VPS13A: variants seen among roughly 807,000 people sequenced by gnomAD.
The protein encoded by VPS13A is intermembrane lipid transfer protein VPS13A.
In VPS13A, 264 loss-of-function variants were observed where a neutral mutation model predicts 390.9. The observed-to-expected ratio is 0.68, with a 90% confidence interval of 0.61 to 0.75. The LOEUF (loss-of-function observed/expected upper bound fraction) is 0.75. Ranked by LOEUF, VPS13A falls within the 30% of genes least tolerant of loss-of-function variation. The probability of loss-of-function intolerance (pLI) is 0.00; values close to 1 mark genes in which losing one functional copy is unlikely to be tolerated. For missense variants in VPS13A, 3,409 were observed against 3,733.9 expected (o/e 0.91, Z 2.27); for synonymous variants, 1,231 against 1,227.1 (o/e 1.00, Z -0.07).
At chr9:77,344,936 G>A (rs538662868) in intron 51 of VPS13A, 73 bp from the exon 52 acceptor site, 1 of 1,518,392 alleles carries the variant, frequency 6.6e-7, no homozygotes, top group African/African-American at 1.4e-5. Flanking sequence ...TGAATAGTCT[G>A]TTCTTAAATG....
At chr9:77,282,372 CT>C in intron 29 of VPS13A, 98 bp downstream of exon 29, 1 of 1,143,890 alleles carries the variant, frequency 8.7e-7, no homozygotes, top group East Asian at 2.6e-5. Flanking sequence ...CAAATATTGG[CT>C]TCAGAATTCT....
intron 71 of VPS13A, among the ~76,000 whole-genome samples, chr9:77,409,958 C>A (rs1303318855): frequency 5.9e-5 from 9 of 151,562 alleles, no homozygotes; most frequent in Non-Finnish European, 1.2e-4. Flanking sequence ...CACAAAGATA[C>A]TCCTCAAGAA....
At chr9:77,394,174 C>G (rs965718905) in intron 68 of VPS13A, among the ~76,000 whole-genome samples, 3 of 151,992 alleles carry the variant, frequency 2.0e-5, no homozygotes, top group Non-Finnish European at 2.9e-5. Flanking sequence ...AGTTGATTCT[C>G]CCACCTCAGC....
At chr9:77,414,609 G>A (rs542149716) in intron 71 of VPS13A, among the ~76,000 whole-genome samples, 38 of 152,114 alleles carry the variant, frequency 2.5e-4, no homozygotes, top group African/African-American at 8.9e-4. Context: ...GGAGGGAGGA[G>A]GGATAGCATT....
Position 77,357,725 on chromosome 9 carries a change from A to C in VPS13A, c.7840A>C (p.Ile2614Leu). ...RLTPTGHNMK[I>L]LQPHVIALRR... ...AACCCCTACTGGTCATAACATGAAA[A>C]TTCTGCAGCCGCATGTAATAGCTCT... The change falls in exon 56 of 72, where the codon ATT (isoleucine) becomes CTT (leucine). Residue 2614 changes from isoleucine (I) to leucine (L), a missense_variant. Ile to Leu is a conservative substitution (Grantham distance 5). This residue lies in a region of VPS13A where 221 missense variants were observed against 300.7 expected (regional missense o/e 0.73). Coordinates refer to ENST00000360280, the MANE Select transcript of VPS13A (RefSeq NM_033305.3). The C allele has an allele frequency of 2.5e-6, 4 of 1,614,008 alleles. No homozygotes were observed. The highest frequency in any genetic ancestry group is 3.4e-6 in the Non-Finnish European group (4 of 1,180,002).
intron 35 of VPS13A, 96 bp downstream of exon 35, chr9:77,308,194 C>T: frequency 7.5e-7 from 1 of 1,332,736 alleles, no homozygotes; most frequent in Non-Finnish European, 1.1e-6. Flanking sequence ...TTCCCTCCTT[C>T]CTCCCCTCTT....
At position 77,260,189 on chromosome 9, in the gene VPS13A, G is replaced by A; in HGVS notation, c.2392G>A (p.Val798Ile). 1 of 1,613,344 alleles carries A rather than the reference G, an allele frequency of 6.2e-7. No homozygotes were observed. The highest frequency in any genetic ancestry group is 8.5e-7 in the Non-Finnish European group (1 of 1,179,654). ...LIESIPKPEP[V>I]TEVSAPVKSF... ...TGAAAGCATTCCAAAACCTGAACCAGTAACTGAAGTATCTGCCCCTGTCAA... is the reference window on the plus strand; with the variant it reads ...TGAAAGCATTCCAAAACCTGAACCAATAACTGAAGTATCTGCCCCTGTCAA... Residue 798 changes from valine (V) to isoleucine (I), a missense_variant, in exon 23 of 72, where the codon GTA (valine) becomes ATA (isoleucine). Val to Ile is a conservative substitution (Grantham distance 29, BLOSUM62 3). Around this residue, in one of 5 missense-constraint regions of VPS13A, gnomAD observed 2,717 missense variants for 2,917.4 expected, o/e 0.93. Coordinates refer to ENST00000360280, the MANE Select transcript of VPS13A (RefSeq NM_033305.3).
At chr9:77,195,977 A>G (rs779148004) in intron 1 of VPS13A, among the ~76,000 whole-genome samples, 11 of 152,014 alleles carry the variant, frequency 7.2e-5, no homozygotes, top group African/African-American at 1.7e-4. Flanking sequence ...TTGCTGTATC[A>G]TACTAATTAT....
intron 62 of VPS13A, 109 bp from the exon 63 acceptor site, chr9:77,369,190 T>C: frequency 1.3e-6 from 1 of 786,192 alleles, no homozygotes. Context: ...GAGTTGAAAT[T>C]GGCATTAAAG....
Position 77,276,154 on chromosome 9 carries a change from T to G in VPS13A, c.2757T>G (p.Ile919Met), listed in dbSNP as rs1350731079. The G allele has an allele frequency of 6.2e-7, 1 of 1,612,276 alleles. No homozygotes were observed. The highest frequency in any genetic ancestry group is 8.5e-7 in the Non-Finnish European group (1 of 1,179,082). The part of the protein sequence containing the change: ...LVLGLGAEIE[I>M]RTYDLKANAF... ...TAGGATTGGGTGCAGAAATTGAGAT[T>G]AGAACATACGATTTGAAAGCAAATG... The change falls in exon 26 of 72, where the codon ATT becomes ATG. Residue 919 changes from isoleucine to methionine, a missense_variant. Transcript: ENST00000360280.
intron 31 of VPS13A, among the ~76,000 whole-genome samples, chr9:77,284,311 C>G (rs971499090): frequency 6.6e-6 from 1 of 152,066 alleles, no homozygotes; most frequent in African/African-American, 2.4e-5. Context: ...AGGAAGTCAG[C>G]ATTTGGAATA....
In VPS13A at chr9:77,283,461, T is replaced by G; in HGVS notation, c.3225T>G (p.Ile1075Met). The change falls in exon 30 of 72, where the codon ATT becomes ATG. Residue 1075 changes from isoleucine (I) to methionine (M), a missense_variant. Transcript: ENST00000360280. ...IQDQKCNISE[I>M]KIEGLDSEMI... Reference sequence around the variant, plus strand: ...ATCAGAAATGTAACATTTCTGAAATTAAGATTGAAGGTAATAAAATTTCAC... The same window carrying G: ...ATCAGAAATGTAACATTTCTGAAATGAAGATTGAAGGTAATAAAATTTCAC... The G allele has an allele frequency of 1.2e-6, 2 of 1,601,918 alleles. No homozygotes were observed. The highest frequency in any genetic ancestry group is 2.2e-5 in the East Asian group (1 of 44,652).
At chr9:77,376,222 G>A (rs538172664) in intron 67 of VPS13A, among the ~76,000 whole-genome samples, 1 of 152,294 alleles carries the variant, frequency 6.6e-6, no homozygotes, top group African/African-American at 2.4e-5. Context: ...GTAGAGTGAG[G>A]AACGGGGAAA....
chr9:77,408,369 A>G (rs55849492), intron 71 of VPS13A, among the ~76,000 whole-genome samples: 12,166 of 152,282 alleles, frequency 0.08, 598 homozygotes, highest in Middle Eastern at 0.099. Context: ...TGTGAGCGAC[A>G]CAGAAGATGG....
intron 71 of VPS13A, among the ~76,000 whole-genome samples, chr9:77,408,122 A>C (rs1834717371): frequency 6.6e-6 from 1 of 152,216 alleles, no homozygotes; most frequent in Non-Finnish European, 1.5e-5. Context: ...CAGTTTCCTC[A>C]AGATGAGAAT....
At chr9:77,239,383 GTAA>G (rs1824335898) in intron 19 of VPS13A, among the ~76,000 whole-genome samples, 1 of 151,182 alleles carries the variant, frequency 6.6e-6, no homozygotes, top group African/African-American at 2.4e-5. Context: ...CACACCAAAA[GTAA>G]TAATAATAAA....
intron 60 of VPS13A, 55 bp downstream of exon 60, chr9:77,365,628 G>A: frequency 9.1e-7 from 1 of 1,101,410 alleles, no homozygotes. Context: ...GCAAATTGAT[G>A]TAGCATTTAT....
intron 5 of VPS13A, 54 bp from the exon 6 acceptor site, chr9:77,209,369 T>C: frequency 8.0e-7 from 1 of 1,255,660 alleles, no homozygotes; most frequent in African/African-American, 1.5e-5. Context: ...TATGTGGATA[T>C]TTATAGAGTA....
At chr9:77,296,969 A>G (rs1828035614) in intron 33 of VPS13A, among the ~76,000 whole-genome samples, 1 of 152,168 alleles carries the variant, frequency 6.6e-6, no homozygotes, top group Non-Finnish European at 1.5e-5. Context: ...ATTTATTAAT[A>G]TCTGTAATGA....
Sources: gnomAD v4.1 joint callset for allele counts (sites outside exome capture counted in the v4.1 genomes callset) on GRCh38, gnomAD v4.1.1 for gene constraint, gnomAD v4.1.1 regional missense constraint, MANE v1.5 for transcripts, NCBI Gene and HGNC (gene_info 2026-07-23, HGNC 2026-07-21) for gene names.